The following SYTL3 variants were observed in gnomAD, a reference collection of about 807,000 sequenced individuals.
The protein encoded by SYTL3 is synaptotagmin like 3, also known as synaptotagmin-like protein 3.
A neutral mutation model predicts 82.1 loss-of-function variants in SYTL3; 88 were observed. The observed-to-expected ratio is 1.07, with a 90% CI of 0.90 to 1.28. The LOEUF (loss-of-function observed/expected upper bound fraction) is 1.28, where lower values mean the gene tolerates loss of function less well. Among genes scored for constraint, SYTL3 ranks in the 50% most tolerant of loss-of-function variants. The pLI is 0.00. For synonymous variants in SYTL3, 311 were observed against 289.4 expected (o/e 1.07, Z -0.76); for missense variants, 831 against 757.6 (o/e 1.10, Z -1.14).
intron 13 of SYTL3, among the ~76,000 whole-genome samples, chr6:158,753,592 T>G (rs1788676893): frequency 6.6e-6 from 1 of 151,522 alleles, no homozygotes; most frequent in Admixed American, 6.6e-5. Flanking sequence ...TAGCCGGGCG[T>G]GGTGGCGGGC....
chr6:158,684,419 G>A (rs1779069809), intron 6 of SYTL3, among the ~76,000 whole-genome samples: 1 of 152,218 alleles, frequency 6.6e-6, no homozygotes, highest in Admixed American at 6.5e-5. Context: ...CTGGAACTGT[G>A]GAGAGAATGA....
chr6:158,672,674 C>G (rs1777536458), intron 5 of SYTL3, among the ~76,000 whole-genome samples: 1 of 151,570 alleles, frequency 6.6e-6, no homozygotes, highest in Non-Finnish European at 1.5e-5. Context: ...CTCTGTCGCC[C>G]AGGCTGGAGT....
intron 2 of SYTL3, among the ~76,000 whole-genome samples, chr6:158,654,199 T>G (rs9355673): frequency 0.29 from 43,775 of 152,088 alleles, 6,919 homozygotes; most frequent in East Asian, 0.67. Flanking sequence ...GGAGTGACTC[T>G]TGCCTTCTGA....
At chr6:158,647,315 G>A (rs556013500), upstream of SYTL3, among the ~76,000 whole-genome samples, 1 of 152,310 alleles carries the variant, frequency 6.6e-6, no homozygotes, top group Middle Eastern at 3.4e-3. Context: ...AAATGATCGC[G>A]ATGTATGACA....
In SYTL3 at chr6:158,763,604, A is replaced by T. The variant is rs6916457; in HGVS notation, c.1723+95A>T. 8.6e-4 allele frequency: 973 copies of T among 1,128,416 alleles called. 5 individuals are homozygous for T. In the African/African-American group the frequency reaches 0.013, roughly 16 times the overall value. 69.9% of individuals were successfully genotyped at this position (1,128,416 alleles called of 1,614,324 possible). On this transcript the variant is annotated intron_variant, in intron 17 of 17. Transcript: ENST00000611299. ...ATGCTTCCACCAGGGCAGTGACTTA[A>T]CTGGTTTTGAAATTGCCTAGCCTGC...
At chr6:158,663,663 G>A (rs778430015) in intron 4 of SYTL3, 313 of 937,950 alleles carry the variant, frequency 3.3e-4, no homozygotes, top group Non-Finnish European at 3.9e-4. Context: ...TCTGTTTGCC[G>A]ACTTCGTGGG....
At chr6:158,685,005 C>T (rs1377859861) in intron 6 of SYTL3, among the ~76,000 whole-genome samples, 2 of 152,086 alleles carry the variant, frequency 1.3e-5, no homozygotes, top group Non-Finnish European at 2.9e-5. Context: ...TTCAAAGTTG[C>T]TACCATAACC....
intron 12 of SYTL3, among the ~76,000 whole-genome samples, chr6:158,746,296 G>A (rs1328186300): frequency 6.6e-6 from 1 of 151,852 alleles, no homozygotes; most frequent in African/African-American, 2.4e-5. Context: ...ACAGATCAGT[G>A]GGGAAAAGTG....
rs1418721466 is a variant in SYTL3, at chr6:158,693,405, T to C, written c.394+10416T>C. On this transcript the variant is annotated intron_variant, in intron 6 of 17. Coordinates refer to ENST00000611299, the MANE Select transcript of SYTL3 (RefSeq NM_001242394.2). ...GCTAATTTGTTTTGTTTTGTTCTGCTGACATGGAGTCTCACTCTGTCACCC... is the reference window on the plus strand; with the variant it reads ...GCTAATTTGTTTTGTTTTGTTCTGCCGACATGGAGTCTCACTCTGTCACCC... 2.0e-5 allele frequency among the ~76,000 whole-genome samples: 3 copies of C among 152,142 alleles called. No individual in the cohort carries two copies. In the East Asian group the frequency reaches 5.8e-4, roughly 29 times the overall value.
intron 12 of SYTL3, among the ~76,000 whole-genome samples, chr6:158,746,070 A>T (rs142287385): frequency 1.8e-4 from 27 of 152,094 alleles, no homozygotes; most frequent in East Asian, 1.7e-3. Flanking sequence ...TGGTTCTTAG[A>T]TGACTGTTTT....
intron 11 of SYTL3, among the ~76,000 whole-genome samples, chr6:158,730,718 C>T (rs755992887): frequency 5.9e-5 from 9 of 152,102 alleles, no homozygotes; most frequent in Non-Finnish European, 7.4e-5. Context: ...AAGGAAATAC[C>T]GGAGGAGCTG....
chr6:158,673,602 C>A (rs1216033747), intron 5 of SYTL3, among the ~76,000 whole-genome samples: 2 of 151,350 alleles, frequency 1.3e-5, no homozygotes, highest in Admixed American at 6.6e-5. Context: ...ACCATGCCCC[C>A]CTAATTTTTT....
In SYTL3 at chr6:158,743,598, CTTTTTTTTTTTT is replaced by C. The variant is rs397887964; in HGVS notation, c.856-1866_856-1855del. 2.7e-4 allele frequency among the ~76,000 whole-genome samples: 17 copies of C among 63,080 alleles called. No homozygotes were observed. In the East Asian group the frequency reaches 3.9e-3, roughly 15 times the overall value. The allele number at this position is 63,080 out of a possible 152,430, so 41.4% of individuals were successfully genotyped here. The stretch of plus-strand genomic sequence containing the variant: ...ACTCATGCTGGTGCACCAGTCCAAG[CTTTTTTTTTTTT>C]TTTTTTTTTTTTTTTGGTAGAGATG... On this transcript the variant is annotated intron_variant, in intron 11 of 17. Coordinates refer to ENST00000611299, the MANE Select transcript of SYTL3 (RefSeq NM_001242394.2).
chr6:158,664,561 C>A (rs915847664), intron 4 of SYTL3, among the ~76,000 whole-genome samples: 1 of 151,972 alleles, frequency 6.6e-6, no homozygotes, highest in Admixed American at 6.6e-5. Context: ...AACAAAAAAA[C>A]GAAAACAAAA....
At chr6:158,710,642 A>G (rs1782661645) in intron 8 of SYTL3, among the ~76,000 whole-genome samples, 3 of 152,210 alleles carry the variant, frequency 2.0e-5, no homozygotes, top group South Asian at 2.1e-4. Context: ...GAAGGGGCAG[A>G]ATTCATACAC....
At chr6:158,648,787 G>A (rs1053612614), upstream of SYTL3, among the ~76,000 whole-genome samples, 1 of 152,094 alleles carries the variant, frequency 6.6e-6, no homozygotes, top group Non-Finnish European at 1.5e-5. Flanking sequence ...ATGAGGACGA[G>A]GGTGCTGTTG....
intron 5 of SYTL3, among the ~76,000 whole-genome samples, chr6:158,669,267 A>C (rs1241488870): frequency 6.6e-6 from 1 of 152,226 alleles, no homozygotes; most frequent in Non-Finnish European, 1.5e-5. Context: ...TCCACATCTA[A>C]AAGAAACCTG....
intron 5 of SYTL3, among the ~76,000 whole-genome samples, chr6:158,666,884 C>T (rs1453611246): frequency 6.6e-5 from 10 of 152,232 alleles, no homozygotes; most frequent in African/African-American, 2.4e-4. Flanking sequence ...GTCCATTTCG[C>T]TCACAGCGTG....
In SYTL3 at chr6:158,760,733, G is replaced by C. The variant is rs1489012298; in HGVS notation, c.1402G>C (p.Glu468Gln). Residue 468 changes from glutamate to glutamine, a missense_variant, in exon 15 of 18, where the codon GAG becomes CAG. Transcript: ENST00000611299. Reference sequence around the variant, plus strand: ...CCCTTCACGGCCCAGAAAACTCCAAGAGGCTCAAGAAGGTCAGTGGCCTCC... The same window carrying C: ...CCCTTCACGGCCCAGAAAACTCCAACAGGCTCAAGAAGGTCAGTGGCCTCC... Reference protein sequence around the residue: ...VLPSRPRKLQEAQEGTDQPSL... With the variant: ...VLPSRPRKLQQAQEGTDQPSL... The C allele has an allele frequency of 6.2e-7, 1 of 1,613,832 alleles. No homozygotes were observed. The highest frequency in any genetic ancestry group is 8.5e-7 in the Non-Finnish European group (1 of 1,179,838).
Sources: allele counts gnomAD v4.1 joint callset (sites outside exome capture counted in the v4.1 genomes callset), GRCh38; gene constraint gnomAD v4.1.1; transcripts MANE v1.5; gene names NCBI Gene and HGNC (gene_info 2026-07-23, HGNC 2026-07-21).